BEND5: variants seen among roughly 807,000 people sequenced by gnomAD.
BEND5 encodes the protein BEN domain containing 5.
Under a neutral mutation model 43.9 loss-of-function variants are expected in BEND5, and 22 were observed. That is an observed-to-expected ratio of 0.50 (90% confidence interval 0.36 to 0.72). The LOEUF (loss-of-function observed/expected upper bound fraction) is 0.72, where lower values mean the gene tolerates loss of function less well. Ranked by LOEUF, BEND5 falls within the 30% of genes least tolerant of loss-of-function variation. The pLI, the probability that BEND5 is intolerant of heterozygous loss-of-function variation, is 0.00. For missense variants in BEND5, 428 were observed against 550.6 expected, an observed-to-expected ratio of 0.78 and a Z score of 2.23; for synonymous variants, 228 against 225.9, an observed-to-expected ratio of 1.01 and a Z score of -0.08.
intron 3 of BEND5, among the ~76,000 whole-genome samples, chr1:48,752,158 T>C (rs17374740): frequency 0.024 from 3,690 of 152,278 alleles, 58 homozygotes; most frequent in Non-Finnish European, 0.037. Context: ...AACATCTAAC[T>C]AGACAAAATG....
In BEND5 at chr1:48,742,664, G is replaced by T; in HGVS notation, c.853C>A (p.Pro285Thr). 2 of 1,609,412 alleles carry T rather than the reference G, an allele frequency of 1.2e-6. No homozygotes were observed. The highest frequency in any genetic ancestry group is 1.7e-6 in the Non-Finnish European group (2 of 1,177,552). Residue 285 changes from proline (P) to threonine (T), a missense_variant, in exon 4 of 6, where the codon CCT becomes ACT. Around this residue, in one of 4 missense-constraint regions of BEND5, gnomAD observed 243 missense variants for 286.4 expected, o/e 0.85. Coordinates refer to ENST00000371833, the MANE Select transcript of BEND5 (RefSeq NM_024603.4). The stretch of plus-strand genomic sequence containing the variant: ...ATATACTTGTCCATGACAGGCGCAG[G>T]AGCGGGGTAATAGGACGACGTATTT... ...EANTSSYYPAPAPVMDKYILD... is the reference protein window; with the variant it reads ...EANTSSYYPATAPVMDKYILD...
At chr1:48,762,886 G>T (rs550598462) in intron 1 of BEND5, among the ~76,000 whole-genome samples, 1 of 152,138 alleles carries the variant, frequency 6.6e-6, no homozygotes, top group South Asian at 2.1e-4. Context: ...TCTATGACAG[G>T]ATGAGGACAG....
chr1:48,757,811 T>C (rs528905857), intron 3 of BEND5, among the ~76,000 whole-genome samples: 2 of 152,330 alleles, frequency 1.3e-5, no homozygotes, highest in South Asian at 4.1e-4. Context: ...ATTTAAACTT[T>C]GGGGATATTT....
chr1:48,751,898 C>CTTTTAAAA (rs1651798705), intron 3 of BEND5, among the ~76,000 whole-genome samples: 1 of 152,184 alleles, frequency 6.6e-6, no homozygotes, highest in Admixed American at 6.5e-5. Context: ...CTGAAATCAA[C>CTTTTAAAA]TTTTAAAATA....
intron 3 of BEND5, among the ~76,000 whole-genome samples, chr1:48,752,759 CT>C (rs888890541): frequency 3.1e-4 from 46 of 148,884 alleles, no homozygotes; most frequent in African/African-American, 4.2e-4. Context: ...TCATTTACTC[CT>C]TTTTTTTTTG....
At chr1:48,740,052 T>C (rs1649668712) in intron 4 of BEND5, among the ~76,000 whole-genome samples, 1 of 152,238 alleles carries the variant, frequency 6.6e-6, no homozygotes, top group African/African-American at 2.4e-5. Context: ...TTGATGGGCA[T>C]ATTTAATGTC....
Position 48,736,517 on chromosome 1 carries a change from G to T in BEND5, c.895-65C>A. 1 of 1,402,880 alleles carries T rather than the reference G, an allele frequency of 7.1e-7. No homozygotes were observed. Among genetic ancestry groups the T allele is most frequent in the Non-Finnish European group, 1.0e-6 (1 of 999,438 alleles). 86.9% of individuals were successfully genotyped at this position (1,402,880 alleles called of 1,614,324 possible). ...AGGAGGGCAGTGGGAGGCTTCTCTT[G>T]TCCTTTAAAAAGCATTGCTGCACAA... On this transcript the variant is annotated intron_variant, in intron 4 of 5. Coordinates refer to ENST00000371833, the MANE Select transcript of BEND5 (RefSeq NM_024603.4). The surrounding 1 kb of genome is among the most constrained non-coding windows in gnomAD (Gnocchi z 4.0).
intron 4 of BEND5, among the ~76,000 whole-genome samples, chr1:48,737,613 A>G (rs1017588573): frequency 9.9e-5 from 15 of 152,238 alleles, no homozygotes; most frequent in African/African-American, 3.4e-4. Context: ...CACAAAGAAC[A>G]AAACACAATC....
At chr1:48,768,211 C>T (rs1014444923) in intron 1 of BEND5, among the ~76,000 whole-genome samples, 1 of 152,034 alleles carries the variant, frequency 6.6e-6, no homozygotes, top group Non-Finnish European at 1.5e-5. Context: ...TCCTAAAGTG[C>T]CTGCCTTTCT....
intron 1 of BEND5, among the ~76,000 whole-genome samples, chr1:48,764,469 T>C (rs1014071987): frequency 2.6e-5 from 4 of 152,138 alleles, no homozygotes; most frequent in South Asian, 2.1e-4. Flanking sequence ...GGGTAAAGAA[T>C]AGAAGCCAAA....
intron 1 of BEND5, among the ~76,000 whole-genome samples, chr1:48,764,871 T>C (rs1570581713): frequency 6.6e-6 from 1 of 152,348 alleles, no homozygotes; most frequent in East Asian, 1.9e-4. Flanking sequence ...AAGGACTGCC[T>C]GCTGGCTTCT....
chr1:48,753,972 G>A (rs529351226), intron 3 of BEND5, among the ~76,000 whole-genome samples: 1 of 152,132 alleles, frequency 6.6e-6, no homozygotes, highest in Non-Finnish European at 1.5e-5. Context: ...GTCACACTGC[G>A]TACATATTTG....
At chr1:48,767,090 G>C (rs577652101) in intron 1 of BEND5, among the ~76,000 whole-genome samples, 13 of 152,156 alleles carry the variant, frequency 8.5e-5, no homozygotes, top group Non-Finnish European at 1.9e-4. Flanking sequence ...CATAACAAAT[G>C]GAAGAAATGG....
At chr1:48,760,861 T>C (rs1274111696) in intron 2 of BEND5, among the ~76,000 whole-genome samples, 1 of 152,090 alleles carries the variant, frequency 6.6e-6, no homozygotes, top group Non-Finnish European at 1.5e-5. Context: ...AGCAAGAAAA[T>C]GCAACCTCAT....
intron 5 of BEND5, among the ~76,000 whole-genome samples, chr1:48,735,846 A>G (rs1461103690): frequency 1.8e-4 from 27 of 151,924 alleles, no homozygotes; most frequent in Admixed American, 1.8e-3. Context: ...TTCTGCCTCC[A>G]GAAGAGCAAT....
At chr1:48,748,495 G>A (rs1651123401) in intron 3 of BEND5, among the ~76,000 whole-genome samples, 1 of 152,176 alleles carries the variant, frequency 6.6e-6, no homozygotes, top group Non-Finnish European at 1.5e-5. Context: ...AGAAAAACTG[G>A]GGCAGAAGCA....
At chr1:48,758,693 T>C (rs1463901793) in intron 3 of BEND5, among the ~76,000 whole-genome samples, 3 of 152,202 alleles carry the variant, frequency 2.0e-5, no homozygotes. Flanking sequence ...AATGTTCCCA[T>C]AGCTGAGGCT....
At chr1:48,761,550 A>G in intron 1 of BEND5, 80 bp from the exon 2 acceptor site, 1 of 1,387,178 alleles carries the variant, frequency 7.2e-7, no homozygotes, top group Non-Finnish European at 9.7e-7. Flanking sequence ...AAAACCTCAA[A>G]TGCTAGAAAA....
At chr1:48,733,615 T>C (rs1298125730) in intron 5 of BEND5, among the ~76,000 whole-genome samples, 2 of 152,158 alleles carry the variant, frequency 1.3e-5, no homozygotes, top group Admixed American at 6.5e-5. Context: ...GAGTGTGTAA[T>C]GGCCCAAGCC....
Sources: gnomAD v4.1 joint callset for allele counts (sites outside exome capture counted in the v4.1 genomes callset) on GRCh38, gnomAD v4.1.1 for gene constraint, gnomAD v4.1.1 regional missense constraint, Gnocchi (gnomAD v3.1) non-coding constraint, MANE v1.5 for transcripts, NCBI Gene and HGNC (gene_info 2026-07-23, HGNC 2026-07-21) for gene names.